SAMD4B: variants seen among roughly 807,000 people sequenced by gnomAD.
SAMD4B encodes protein Smaug homolog 2.
A neutral mutation model predicts 74.5 loss-of-function variants in SAMD4B; 5 were observed. The ratio of observed to expected loss-of-function variants is 0.07; its 90% CI spans 0.04 to 0.14. The LOEUF (loss-of-function observed/expected upper bound fraction) is 0.14, where lower values mean the gene tolerates loss of function less well. SAMD4B is among the 10% of genes least tolerant of loss of function. SAMD4B has a pLI of 1.00. For synonymous variants in SAMD4B, 373 were observed against 374.9 expected, an observed-to-expected ratio of 1.00 and a Z score of 0.06; for missense variants, 608 against 921.8, an observed-to-expected ratio of 0.66 and a Z score of 4.41.
At chr19:39,389,071 C>G, downstream of SAMD4B, 1 of 1,612,166 alleles carries the variant, frequency 6.2e-7, no homozygotes, top group Non-Finnish European at 8.5e-7. This position sits in a 1 kb window ranked among gnomAD's most constrained non-coding sequence, Gnocchi z 5.3. Flanking sequence ...CTTGCCTCTC[C>G]CCATCCCAGT....
intron 1 of SAMD4B, among the ~76,000 whole-genome samples, chr19:39,343,728 C>G (rs2075490632): frequency 6.6e-6 from 1 of 151,970 alleles, no homozygotes; most frequent in African/African-American, 2.4e-5. Flanking sequence ...ATTCCAAAAG[C>G]TTCTTCCAAA....
At chr19:39,353,310 CA>C (rs1209914471) in intron 1 of SAMD4B, among the ~76,000 whole-genome samples, 2 of 151,994 alleles carry the variant, frequency 1.3e-5, no homozygotes, top group Non-Finnish European at 2.9e-5. Flanking sequence ...TTAAAAATTA[CA>C]AAAGTAATAT....
intron 3 of SAMD4B, among the ~76,000 whole-genome samples, chr19:39,367,351 A>G (rs1290366910): frequency 2.0e-5 from 3 of 152,180 alleles, no homozygotes; most frequent in African/African-American, 7.2e-5. Context: ...CAGTTGCCCA[A>G]GGGTGAGAGC....
At chr19:39,386,089 CGCTGCG>C, downstream of SAMD4B, 4 of 1,614,016 alleles carry the variant, frequency 2.5e-6, no homozygotes, top group Non-Finnish European at 3.4e-6. The surrounding 1 kb of genome is among the most constrained non-coding windows in gnomAD (Gnocchi z 6.1). Flanking sequence ...AAGGGACTGG[CGCTGCG>C]GCTGTGGCTC....
Position 39,377,744 on chromosome 19 carries a change from C to T in SAMD4B, c.1364C>T (p.Pro455Leu). The T allele has an allele frequency of 6.2e-7, 1 of 1,614,214 alleles. No individual in the cohort carries two copies. Among genetic ancestry groups the T allele is most frequent in the Non-Finnish European group, 8.5e-7 (1 of 1,180,020 alleles). Residue 455 changes from proline to leucine, a missense_variant, in exon 8 of 14, where the codon CCC becomes CTC. Pro to Leu is a moderately conservative substitution (Grantham distance 98, BLOSUM62 -3). Transcript: ENST00000610417. ...ENYPPPPAPA[P>L]TDGSEPAPAP... Reference sequence around the variant, plus strand: ...TACCCACCTCCACCAGCTCCAGCTCCCACTGATGGCAGTGAGCCTGCCCCG... The same window carrying T: ...TACCCACCTCCACCAGCTCCAGCTCTCACTGATGGCAGTGAGCCTGCCCCG...
chr19:39,346,985 A>G (rs2075740156), intron 1 of SAMD4B, among the ~76,000 whole-genome samples: 1 of 152,242 alleles, frequency 6.6e-6, no homozygotes, highest in African/African-American at 2.4e-5. Context: ...AAACAATAAA[A>G]TAAAAAAAAA....
At chr19:39,365,974 G>A (rs1003849725) in intron 3 of SAMD4B, among the ~76,000 whole-genome samples, 1 of 152,092 alleles carries the variant, frequency 6.6e-6, no homozygotes, top group Non-Finnish European at 1.5e-5. Context: ...GCTGAGGTGG[G>A]CAAGTCATTT....
At chr19:39,380,123 A>T in intron 10 of SAMD4B, 39 bp downstream of exon 10, 3 of 1,496,670 alleles carry the variant, frequency 2.0e-6, no homozygotes, top group Non-Finnish European at 2.8e-6. Context: ...TGCCCTCCAT[A>T]GGCCTTTGCT....
At chr19:39,349,049 A>G (rs565569997) in intron 1 of SAMD4B, among the ~76,000 whole-genome samples, 2 of 152,344 alleles carry the variant, frequency 1.3e-5, no homozygotes, top group South Asian at 2.1e-4. Flanking sequence ...CACTTGCCCA[A>G]AATTACACAG....
At chr19:39,380,856 T>C in intron 11 of SAMD4B, 71 bp downstream of exon 11, 9 of 1,508,906 alleles carry the variant, frequency 6.0e-6, no homozygotes, top group Non-Finnish European at 8.0e-6. Flanking sequence ...TCTATTTGCC[T>C]GTATACTCTG....
intron 4 of SAMD4B, among the ~76,000 whole-genome samples, chr19:39,374,449 A>G (rs903479452): frequency 1.3e-5 from 2 of 152,206 alleles, no homozygotes; most frequent in Non-Finnish European, 2.9e-5. Context: ...TTGTTGAGGA[A>G]GCAGCTTACG....
intron 3 of SAMD4B, among the ~76,000 whole-genome samples, chr19:39,359,129 A>T (rs1600535354): frequency 6.6e-6 from 1 of 152,166 alleles, no homozygotes; most frequent in East Asian, 1.9e-4. Flanking sequence ...CTAACACTAA[A>T]GGCAGGAGTT....
chr19:39,344,368 AAG>A (rs1227725193), intron 1 of SAMD4B, among the ~76,000 whole-genome samples: 3 of 151,272 alleles, frequency 2.0e-5, no homozygotes, highest in Non-Finnish European at 4.4e-5. Flanking sequence ...GAGATCTCTG[AAG>A]AGTTTTTCCT....
chr19:39,365,300 T>TC (rs1321613238), intron 3 of SAMD4B, among the ~76,000 whole-genome samples: 3 of 146,106 alleles, frequency 2.1e-5, no homozygotes, highest in African/African-American at 7.6e-5. Flanking sequence ...ACACCTGCAA[T>TC]CCCAGCACTT....
At chr19:39,385,864 G>A (rs2078234633), downstream of SAMD4B, 7 of 1,389,912 alleles carry the variant, frequency 5.0e-6, no homozygotes, top group Non-Finnish European at 5.8e-6. Context: ...AAGAGAAGTT[G>A]ACTTTATTAA....
intron 3 of SAMD4B, among the ~76,000 whole-genome samples, chr19:39,366,786 G>GT (rs1471853813): frequency 6.6e-6 from 1 of 152,136 alleles, no homozygotes; most frequent in Non-Finnish European, 1.5e-5. Flanking sequence ...CAATCCTGAA[G>GT]CATGCTAGAT....
At chr19:39,388,226 C>T, downstream of SAMD4B, 2 of 996,750 alleles carry the variant, frequency 2.0e-6, no homozygotes, top group Non-Finnish European at 3.1e-6. Context: ...CTCTTGTTTA[C>T]CAATGCATAT....
intron 1 of SAMD4B, among the ~76,000 whole-genome samples, chr19:39,349,021 G>A (rs931489575): frequency 2.6e-5 from 4 of 152,176 alleles, no homozygotes; most frequent in African/African-American, 9.7e-5. Context: ...TGACAAAACA[G>A]GCATGGCAAG....
Position 39,380,699 on chromosome 19 carries a change from A to G in SAMD4B, c.1762A>G (p.Met588Val). ...TCCCCGGGCCCTCCCACCCGGCCGGATGGGCCTCCTGAGCCCCTCGGGCAT... is the reference window on the plus strand; with the variant it reads ...TCCCCGGGCCCTCCCACCCGGCCGGGTGGGCCTCCTGAGCCCCTCGGGCAT... ...MPPRALPPGR[M>V]GLLSPSGIGG... is the part of the protein sequence containing the mutation. The change falls in exon 11 of 14, where the codon ATG becomes GTG. Residue 588 changes from methionine to valine, a missense_variant. Coordinates refer to ENST00000610417, the MANE Select transcript of SAMD4B (RefSeq NM_001384574.2). The G allele has an allele frequency of 6.2e-7, 1 of 1,612,626 alleles. No individual in the cohort carries two copies. The highest frequency in any genetic ancestry group is 8.5e-7 in the Non-Finnish European group (1 of 1,179,562).
Sources: allele counts gnomAD v4.1 joint callset (sites outside exome capture counted in the v4.1 genomes callset), GRCh38; gene constraint gnomAD v4.1.1; non-coding constraint Gnocchi (gnomAD v3.1); transcripts MANE v1.5; gene names NCBI Gene and HGNC (gene_info 2026-07-23, HGNC 2026-07-21).